SEC61G: variants seen among roughly 807,000 people sequenced by gnomAD.
SEC61G encodes the protein SEC61 translocon subunit gamma.
Under a neutral mutation model 7.5 loss-of-function variants are expected in SEC61G, and 4 were observed. The observed-to-expected ratio is 0.54, with a 90% CI of 0.26 to 1.22. SEC61G has a LOEUF of 1.22. Among genes scored for constraint, SEC61G ranks in the 50% most tolerant of loss-of-function variants. The pLI is 0.12. For missense variants in SEC61G, 53 were observed against 84.6 expected (o/e 0.63, Z 1.46); for synonymous variants, 24 against 24.4 (o/e 0.98, Z 0.05).
chr7:54,757,217 AAT>A lies in SEC61G; in HGVS notation c.94+276_94+277del, dbSNP rs1259432593. ...GACTTCAAAGCTTTTCCAAAGAGAAAATATGTAAGATACTAAAAGTCATAAAA... is the reference window on the plus strand; with the variant it reads ...GACTTCAAAGCTTTTCCAAAGAGAAAATGTAAGATACTAAAAGTCATAAAA... On this transcript the variant is annotated intron_variant, in intron 2 of 3. Coordinates refer to ENST00000352861, the MANE Select transcript of SEC61G (RefSeq NM_014302.4). Among the ~76,000 whole-genome samples, 3 of 152,002 alleles carry A rather than the reference AAT, an allele frequency of 2.0e-5. No individual in the cohort carries two copies. In the East Asian group the frequency reaches 5.8e-4, roughly 29 times the overall value.
chr7:54,759,067 A>G, intron 1 of SEC61G, 91 bp downstream of exon 1: 1 of 427,546 alleles, frequency 2.3e-6, no homozygotes, highest in Non-Finnish European at 4.8e-6. Flanking sequence ...GCCCGGGGAG[A>G]CACGCCGGCT....
At chr7:54,759,021 G>A (rs980306446) in intron 1 of SEC61G, 137 bp downstream of exon 1, 1 of 370,422 alleles carries the variant, frequency 2.7e-6, no homozygotes, top group Non-Finnish European at 5.5e-6. Context: ...CCGGCCCTGA[G>A]CCAGGGGACC....
At chr7:54,758,957 C>T (rs1388672661) in intron 1 of SEC61G, 2 of 303,390 alleles carry the variant, frequency 6.6e-6, no homozygotes, top group African/African-American at 4.7e-5. Flanking sequence ...AGTCCGCGGC[C>T]CTGGGTCTGC....
intron 1 of SEC61G, among the ~76,000 whole-genome samples, chr7:54,758,674 C>T (rs1472479312): frequency 6.6e-6 from 1 of 152,230 alleles, no homozygotes; most frequent in African/African-American, 2.4e-5. Flanking sequence ...ACGCTACACA[C>T]AATACCGCAC....
Position 54,759,206 on chromosome 7 carries a change from G to C in SEC61G, c.-55C>G, listed in dbSNP as rs1287335516. 5.8e-6 allele frequency: 3 copies of C among 519,074 alleles called. No individual in the cohort carries two copies. Among genetic ancestry groups the C allele is most frequent in the South Asian group, 4.2e-5 (3 of 71,594 alleles). 32.2% of individuals were successfully genotyped at this position (519,074 alleles called of 1,614,324 possible). A position where few individuals can be genotyped will look rare whatever the true frequency, so the allele number is the denominator to read the frequency against. On this transcript the variant is annotated 5_prime_UTR_variant, in exon 1 of 4. Transcript: ENST00000352861. ...CCAGGGACACGTAGCACTGGAGCTT[G>C]CTGATGGAGGCCCACCGGAACCGGA...
chr7:54,759,034 T>TTACC (rs1254832630), intron 1 of SEC61G, 124 bp downstream of exon 1: 2 of 388,840 alleles, frequency 5.1e-6, no homozygotes, highest in African/African-American at 2.1e-5. Context: ...AGGGGACCAC[T>TTACC]TACCGCCCGC....
At position 54,753,608 on chromosome 7, in the gene SEC61G, C is replaced by T. The variant is rs557072129; in HGVS notation, c.198-1188G>A. Among the ~76,000 whole-genome samples, 372 of 152,264 alleles carry T rather than the reference C, an allele frequency of 2.4e-3. 1 individual carries two copies. The highest frequency in any genetic ancestry group is 3.9e-3 in the Non-Finnish European group (266 of 68,022). On this transcript the variant is annotated intron_variant, in intron 3 of 3. Coordinates refer to ENST00000352861, the MANE Select transcript of SEC61G (RefSeq NM_014302.4). ...CCTTTCAGTTTTACAGCTGTCCTGG[C>T]ATAACATGAGAAAAGAGTAAGTTTT...
chr7:54,759,060 C>T, intron 1 of SEC61G, 98 bp downstream of exon 1: 1 of 421,054 alleles, frequency 2.4e-6, no homozygotes, highest in Non-Finnish European at 4.9e-6. Context: ...GACGGCCGCC[C>T]GGGGAGACAC....
intron 1 of SEC61G, among the ~76,000 whole-genome samples, chr7:54,758,801 T>C (rs1048853169): frequency 6.6e-6 from 1 of 152,188 alleles, no homozygotes; most frequent in South Asian, 2.1e-4. Flanking sequence ...AGTACAGCTC[T>C]TCCCAGACAG....
chr7:54,759,124 G>A (rs757564340), intron 1 of SEC61G, 34 bp downstream of exon 1: 6 of 515,268 alleles, frequency 1.2e-5, no homozygotes, highest in South Asian at 7.0e-5. Context: ...TGGCCGCCCC[G>A]TTCGCCCGTA....
rs2116349597 is a variant in SEC61G, at chr7:54,757,567, C to G, written c.22G>C (p.Val8Leu). ...TTTACAAACTGCCGACTTGGCTCAA[C>G]AAACTGCATTACCTGATCCATGACT... MDQVMQF[V>L]EPSRQFVKDS... is the part of the protein sequence containing the mutation. Residue 8 changes from valine to leucine, a missense_variant, in exon 2 of 4, where the codon GTT (valine) becomes CTT (leucine). Coordinates refer to ENST00000352861, the MANE Select transcript of SEC61G (RefSeq NM_014302.4). 6.2e-7 allele frequency: 1 copy of G among 1,614,096 alleles called. No individual in the cohort carries two copies. Among genetic ancestry groups the G allele is most frequent in the African/African-American group, 1.3e-5 (1 of 75,038 alleles).
intron 3 of SEC61G, among the ~76,000 whole-genome samples, chr7:54,753,915 C>T (rs916240493): frequency 7.2e-6 from 1 of 139,618 alleles, no homozygotes; most frequent in African/African-American, 2.7e-5. Flanking sequence ...ATTATTATTG[C>T]CACCATCACC....
intron 2 of SEC61G, 92 bp from the exon 3 acceptor site, chr7:54,755,973 G>A: frequency 1.7e-6 from 1 of 602,146 alleles, no homozygotes; most frequent in South Asian, 2.4e-5. Flanking sequence ...AACTTAACTA[G>A]TATACATTTC....
At chr7:54,752,552 A>AATTTT in intron 3 of SEC61G, 132 bp from the exon 4 acceptor site, 1 of 519,540 alleles carries the variant, frequency 1.9e-6, no homozygotes, top group Non-Finnish European at 3.4e-6. Context: ...ACTTCATCTA[A>AATTTT]AGATGGCATA....
At chr7:54,752,618 T>C (rs890770699) in intron 3 of SEC61G, among the ~76,000 whole-genome samples, 198 bp from the exon 4 acceptor site, 1 of 152,232 alleles carries the variant, frequency 6.6e-6, no homozygotes, top group Non-Finnish European at 1.5e-5. Flanking sequence ...ATGTGGCTAC[T>C]GGAAGAGGTC....
chr7:54,758,851 G>C (rs1003038001), intron 1 of SEC61G, among the ~76,000 whole-genome samples: 3 of 152,178 alleles, frequency 2.0e-5, no homozygotes, highest in Non-Finnish European at 4.4e-5. Flanking sequence ...CGAAGGGATC[G>C]GGCAGCAGGA....
At chr7:54,752,465 T>C in intron 3 of SEC61G, 45 bp from the exon 4 acceptor site, 1 of 1,254,312 alleles carries the variant, frequency 8.0e-7, no homozygotes, top group Non-Finnish European at 1.1e-6. Context: ...TAGATAAGAT[T>C]TTAATAATTA....
rs1340025150 is a variant in SEC61G at position 54,755,960 on chromosome 7, A to G, written c.95-79T>C. ...GGGAAAAAAACTATCAGCAACATAA[A>G]TGAACTTAACTAGTATACATTTCTC... On this transcript the variant is annotated intron_variant, in intron 2 of 3. Coordinates refer to ENST00000352861, the MANE Select transcript of SEC61G (RefSeq NM_014302.4). 4.2e-6 allele frequency: 3 copies of G among 712,738 alleles called. No individual in the cohort carries two copies. The African/African-American group carries it at 5.4e-5, about 13-fold the overall frequency. 44.2% of individuals were successfully genotyped at this position (712,738 alleles called of 1,614,324 possible).
chr7:54,759,130 C>T (rs750496271), intron 1 of SEC61G, 28 bp downstream of exon 1: 3 of 517,492 alleles, frequency 5.8e-6, no homozygotes, highest in Non-Finnish European at 1.2e-5. Flanking sequence ...CCCCGTTCGC[C>T]CGTACCGACC....
Sources: gnomAD v4.1 joint callset for allele counts (sites outside exome capture counted in the v4.1 genomes callset) on GRCh38, gnomAD v4.1.1 for gene constraint, MANE v1.5 for transcripts, NCBI Gene and HGNC (gene_info 2026-07-23, HGNC 2026-07-21) for gene names.